Variants in FRMD4B observed in about 807,000 individuals in gnomAD.
FRMD4B encodes the protein FERM domain containing 4B.
In FRMD4B, 74 loss-of-function variants were observed where a neutral mutation model predicts 141.5. That is an observed-to-expected ratio of 0.52 (90% CI 0.43 to 0.63). The LOEUF is 0.63. FRMD4B is among the 30% of genes least tolerant of loss of function. The probability of loss-of-function intolerance (pLI) is 0.00; values close to 1 mark genes in which losing one functional copy is unlikely to be tolerated. For missense variants in FRMD4B, 1,366 were observed against 1,253.4 expected, an observed-to-expected ratio of 1.09 and a Z score of -1.36; for synonymous variants, 506 against 467.9, an observed-to-expected ratio of 1.08 and a Z score of -1.05.
At chr3:69,227,684 A>AAAGC (rs2093268041) in intron 7 of FRMD4B, among the ~76,000 whole-genome samples, 1 of 151,752 alleles carries the variant, frequency 6.6e-6, no homozygotes, top group African/African-American at 2.4e-5. Context: ...AAGAAAAGAA[A>AAAGC]AAGAAAGAAA....
chr3:69,248,979 A>T (rs968338146), intron 7 of FRMD4B, among the ~76,000 whole-genome samples: 6 of 152,226 alleles, frequency 3.9e-5, no homozygotes, highest in African/African-American at 1.4e-4. Context: ...AGATGACAGA[A>T]AACAGAACTT....
chr3:69,363,109 G>A (rs950600347), intron 1 of FRMD4B, among the ~76,000 whole-genome samples: 7 of 152,062 alleles, frequency 4.6e-5, no homozygotes, highest in East Asian at 1.9e-4. Flanking sequence ...TAGCAATATC[G>A]TAAAAGTCCC....
chr3:69,262,108 A>C (rs1237164719), intron 5 of FRMD4B, among the ~76,000 whole-genome samples: 1 of 151,800 alleles, frequency 6.6e-6, no homozygotes, highest in Non-Finnish European at 1.5e-5. Flanking sequence ...CTGGAATTTC[A>C]GGCTCCCGCC....
intron 1 of FRMD4B, among the ~76,000 whole-genome samples, chr3:69,351,101 T>C (rs1395079201): frequency 6.6e-6 from 1 of 152,178 alleles, no homozygotes; most frequent in Admixed American, 6.5e-5. Flanking sequence ...AACTGAAGTA[T>C]ACAGCAAGCC....
At chr3:69,491,355 G>A (rs1468036618) in intron 1 of FRMD4B, among the ~76,000 whole-genome samples, 2 of 151,856 alleles carry the variant, frequency 1.3e-5, no homozygotes, top group Non-Finnish European at 2.9e-5. Flanking sequence ...ATTGAAAGAC[G>A]GAAGGAAGGA....
In FRMD4B at chr3:69,536,027, C is replaced by T. The variant is rs1257222399; in HGVS notation, c.-129+6179G>A. The T allele has an allele frequency of 1.0e-4, 40 of 400,992 alleles. 1 individual carries two copies. Among genetic ancestry groups the T allele is most frequent in the South Asian group, 7.7e-4 (37 of 48,014 alleles). The allele number at this position is 400,992 out of a possible 1,614,324, so 24.8% of individuals were successfully genotyped here. The stretch of plus-strand genomic sequence containing the variant: ...GCCCGCTGGCACTGGAAGGGACCTG[C>T]GTGGCCTTGTCTGGCTTAGGGGTGC... On this transcript the variant is annotated intron_variant, in intron 1 of 5. Transcript: ENST00000459638.
intron 1 of FRMD4B, among the ~76,000 whole-genome samples, chr3:69,450,757 AAAC>A (rs556036339): frequency 4.5e-5 from 6 of 133,118 alleles, no homozygotes; most frequent in East Asian, 2.2e-4. Flanking sequence ...TCCACCTCCA[AAAC>A]AACAACAACA....
chr3:69,245,347 G>GTT (rs1488467550), intron 7 of FRMD4B, among the ~76,000 whole-genome samples: 1 of 150,786 alleles, frequency 6.6e-6, no homozygotes, highest in African/African-American at 2.5e-5. Context: ...GTGTGTGTGT[G>GTT]TGTGTGTTTT....
chr3:69,252,496 C>T (rs369755792), intron 5 of FRMD4B, among the ~76,000 whole-genome samples: 2 of 152,182 alleles, frequency 1.3e-5, no homozygotes, highest in East Asian at 3.8e-4. Flanking sequence ...TCAGCCCCTA[C>T]CTCACCTTCC....
intron 1 of FRMD4B, among the ~76,000 whole-genome samples, chr3:69,455,590 C>T (rs761472568): frequency 6.6e-6 from 1 of 152,116 alleles, no homozygotes; most frequent in Non-Finnish European, 1.5e-5. Context: ...AAGGAACAAA[C>T]CCTGGATGCA....
intron 7 of FRMD4B, among the ~76,000 whole-genome samples, chr3:69,232,471 T>C (rs527282887): frequency 6.6e-6 from 1 of 152,328 alleles, no homozygotes; most frequent in African/African-American, 2.4e-5. Flanking sequence ...ACTATTTAGC[T>C]ACTACAACTA....
intron 1 of FRMD4B, chr3:69,336,502 T>A (rs1232467091): frequency 6.6e-6 from 1 of 152,252 alleles, no homozygotes; most frequent in Non-Finnish European, 1.5e-5. Flanking sequence ...TAAGTCTGCT[T>A]ACTGTGAGGA....
intron 2 of FRMD4B, among the ~76,000 whole-genome samples, chr3:69,414,986 C>T (rs1349201070): frequency 1.3e-5 from 2 of 151,662 alleles, no homozygotes; most frequent in African/African-American, 4.8e-5. Context: ...CTGCCTCAGC[C>T]TCCTGAGTAG....
At chr3:69,277,311 G>A (rs2106968895) in intron 5 of FRMD4B, among the ~76,000 whole-genome samples, 1 of 152,094 alleles carries the variant, frequency 6.6e-6, no homozygotes, top group South Asian at 2.1e-4. Flanking sequence ...AGCAGGGGAG[G>A]TCCTAACTGA....
At chr3:69,477,375 C>T (rs1466196212) in intron 1 of FRMD4B, among the ~76,000 whole-genome samples, 1 of 146,222 alleles carries the variant, frequency 6.8e-6, no homozygotes, top group African/African-American at 2.7e-5. Flanking sequence ...TGAGATACGT[C>T]CCATCAATAC....
chr3:69,236,259 C>A (rs990288106), intron 7 of FRMD4B, among the ~76,000 whole-genome samples: 1 of 148,240 alleles, frequency 6.7e-6, no homozygotes, highest in African/African-American at 2.5e-5. Flanking sequence ...GATGGAGTCT[C>A]GCTCTGTTGC....
intron 1 of FRMD4B, among the ~76,000 whole-genome samples, chr3:69,341,402 A>T (rs770954119): frequency 1.3e-4 from 20 of 152,196 alleles, no homozygotes; most frequent in Non-Finnish European, 2.5e-4. Flanking sequence ...CACAAGGCCA[A>T]ATACCAAGAG....
chr3:69,216,505 C>T (rs1332623683), intron 10 of FRMD4B, among the ~76,000 whole-genome samples, 156 bp from the exon 11 acceptor site: 1 of 148,336 alleles, frequency 6.7e-6, no homozygotes, highest in Non-Finnish European at 1.5e-5. Context: ...GATCTCGGCT[C>T]ACTGCAATCT....
chr3:69,237,960 G>C (rs2093357003), intron 7 of FRMD4B, among the ~76,000 whole-genome samples: 1 of 152,196 alleles, frequency 6.6e-6, no homozygotes, highest in Non-Finnish European at 1.5e-5. Context: ...TCAAACTCCT[G>C]AGCTCAGGCA....
Sources: allele counts gnomAD v4.1 joint callset (sites outside exome capture counted in the v4.1 genomes callset), GRCh38; gene constraint gnomAD v4.1.1; transcripts MANE v1.5; gene names NCBI Gene and HGNC (gene_info 2026-07-23, HGNC 2026-07-21).